JPH3: variants seen among roughly 807,000 people sequenced by gnomAD.
JPH3 encodes the protein junctophilin 3, also known as junctophilin-3.
JPH3 carries 11 observed loss-of-function variants against 59.6 expected under a neutral mutation model. That is an observed-to-expected ratio of 0.18 (90% CI 0.12 to 0.31). The LOEUF is 0.31. JPH3 is among the 10% of genes least tolerant of loss of function. JPH3 has a pLI of 1.00. For synonymous variants in JPH3, 673 were observed against 483.6 expected, an observed-to-expected ratio of 1.39 and a Z score of -5.14; for missense variants, 1,202 against 1,105.7, an observed-to-expected ratio of 1.09 and a Z score of -1.24.
chr16:87,640,902 C>A (rs2150842531), intron 1 of JPH3, among the ~76,000 whole-genome samples: 1 of 152,314 alleles, frequency 6.6e-6, no homozygotes, highest in Middle Eastern at 3.4e-3. Context: ...CTTGGACTGG[C>A]CATGGGAAGG....
At chr16:87,606,078 G>A (rs1323156198) in intron 1 of JPH3, among the ~76,000 whole-genome samples, 1 of 152,200 alleles carries the variant, frequency 6.6e-6, no homozygotes, top group Non-Finnish European at 1.5e-5. Context: ...GTGTCCCCAG[G>A]CAGCCCATGG....
intron 2 of JPH3, among the ~76,000 whole-genome samples, chr16:87,657,613 C>A (rs527695033): frequency 6.6e-6 from 1 of 152,318 alleles, no homozygotes; most frequent in South Asian, 2.1e-4. Flanking sequence ...ACTCATTTCT[C>A]TCAAGTACCA....
intron 1 of JPH3, among the ~76,000 whole-genome samples, chr16:87,617,730 T>C (rs1389098971): frequency 1.3e-5 from 2 of 151,832 alleles, no homozygotes; most frequent in Non-Finnish European, 2.9e-5. Flanking sequence ...CAGGTGCAGG[T>C]GCAGGAGCTG....
At position 87,644,451 on chromosome 16, in the gene JPH3, C is replaced by T. The variant is rs756322871; in HGVS notation, c.576C>T (p.Ser192=). 23 of 1,612,466 alleles carry T rather than the reference C, an allele frequency of 1.4e-5. No homozygotes were observed. Among genetic ancestry groups the T allele is most frequent in the African/African-American group, 2.7e-5 (2 of 74,934 alleles). Residue 192 remains serine, a synonymous_variant, in exon 2 of 5, where the codon TCC becomes TCT. Transcript: ENST00000284262. ...SPAVAGSPAV[S]RGGFVLVAHS... is the part of the protein sequence containing the mutation. ...CGGTGGCCGGCAGCCCGGCCGTGTC[C>T]CGCGGGGGCTTCGTGCTCGTGGCCC...
chr16:87,619,679 A>G (rs2150827926), intron 1 of JPH3, among the ~76,000 whole-genome samples: 1 of 152,236 alleles, frequency 6.6e-6, no homozygotes, highest in Non-Finnish European at 1.5e-5. Flanking sequence ...GGAGCCACGG[A>G]GTCTGGGGGG....
Position 87,631,845 on chromosome 16 carries a change from C to CT in JPH3, c.383-12409dup, listed in dbSNP as rs375434338. ...CAAAATATTTCTTTTAGCTATTATACTTTTAATTTCCAGAAGCTCTTTATC... is the reference window on the plus strand; with the variant it reads ...CAAAATATTTCTTTTAGCTATTATACTTTTTAATTTCCAGAAGCTCTTTATC... On this transcript the variant is annotated intron_variant, in intron 1 of 4. Transcript: ENST00000284262. Among the ~76,000 whole-genome samples, 239 of 152,202 alleles carry CT rather than the reference C, an allele frequency of 1.6e-3. 1 individual carries two copies. The highest frequency in any genetic ancestry group is 5.4e-3 in the African/African-American group (223 of 41,526).
At chr16:87,683,521 G>A (rs763541999) in intron 2 of JPH3, among the ~76,000 whole-genome samples, 7 of 151,962 alleles carry the variant, frequency 4.6e-5, no homozygotes, top group African/African-American at 1.2e-4. Context: ...GTGCAGGCTG[G>A]TCTTGAACTC....
At chr16:87,621,578 C>A (rs2150829257) in intron 1 of JPH3, among the ~76,000 whole-genome samples, 1 of 152,350 alleles carries the variant, frequency 6.6e-6, no homozygotes, top group Non-Finnish European at 1.5e-5. Context: ...CCTACAGCCG[C>A]CAGCCAGGAG....
rs2030280519 is a variant in JPH3, at chr16:87,602,674, G to A, written c.-473G>A. On this transcript the variant is annotated 5_prime_UTR_variant, in exon 1 of 5. Coordinates refer to ENST00000284262, the MANE Select transcript of JPH3 (RefSeq NM_020655.4). ...GCCGCCCGTGCCGCCGCCGCCGCCC[G>A]CGGGCCCCGCCGCCGCCCTCGGGCG... is the stretch of plus-strand genomic sequence containing the variant. 7.8e-6 allele frequency among the ~76,000 whole-genome samples: 1 copy of A among 128,628 alleles called. No homozygotes were observed. Among genetic ancestry groups the A allele is most frequent in the African/African-American group, 2.8e-5 (1 of 35,140 alleles). 84.4% of individuals were successfully genotyped at this position (128,628 alleles called of 152,430 possible). A position where few individuals can be genotyped will look rare whatever the true frequency, so the allele number is the denominator to read the frequency against.
intron 1 of JPH3, among the ~76,000 whole-genome samples, chr16:87,613,566 C>A (rs1027097216): frequency 6.6e-6 from 1 of 152,158 alleles, no homozygotes; most frequent in African/African-American, 2.4e-5. Flanking sequence ...AGTGATCCGC[C>A]CACCTCAGCC....
intron 1 of JPH3, chr16:87,604,909 C>A: frequency 2.3e-6 from 1 of 438,230 alleles, no homozygotes; most frequent in Admixed American, 2.5e-5. Context: ...GGTTGGAGAG[C>A]TTCCCTGACC....
chr16:87,685,540 C>T (rs1043066198), intron 3 of JPH3, among the ~76,000 whole-genome samples: 4 of 152,250 alleles, frequency 2.6e-5, no homozygotes, highest in Non-Finnish European at 2.9e-5. Flanking sequence ...TGGGGGCACA[C>T]GTGTAGCGTG....
chr16:87,650,668 G>A (rs567531204), intron 2 of JPH3, among the ~76,000 whole-genome samples: 3 of 152,242 alleles, frequency 2.0e-5, no homozygotes. Context: ...CAATGTTATT[G>A]CTGATATGGA....
intron 2 of JPH3, among the ~76,000 whole-genome samples, chr16:87,663,877 C>A (rs1224376919): frequency 6.7e-6 from 1 of 149,494 alleles, no homozygotes; most frequent in Admixed American, 6.6e-5. Flanking sequence ...TTTCCCTAAC[C>A]CCATTCCCCA....
intron 1 of JPH3, among the ~76,000 whole-genome samples, chr16:87,643,138 G>A (rs557349356): frequency 2.0e-5 from 3 of 152,176 alleles, no homozygotes; most frequent in South Asian, 4.1e-4. Flanking sequence ...GGAATCATCC[G>A]ATATGTGGCC....
chr16:87,637,606 C>G (rs181696933), intron 1 of JPH3, among the ~76,000 whole-genome samples: 1 of 152,098 alleles, frequency 6.6e-6, no homozygotes, highest in Admixed American at 6.5e-5. Context: ...TGGGTGAGAC[C>G]CTAGTGACTC....
Position 87,684,286 on chromosome 16 carries a change from A to G in JPH3, c.1285+20A>G. ...AAAACGGTGAGTCTCGCCGGGCCTG[A>G]TACTGGCATCGTGGGGAGGGGGTGC... On this transcript the variant is annotated intron_variant, in intron 3 of 4. Transcript: ENST00000284262. 1 of 1,613,062 alleles carries G rather than the reference A, an allele frequency of 6.2e-7. No homozygotes were observed. Among genetic ancestry groups the G allele is most frequent in the Non-Finnish European group, 8.5e-7 (1 of 1,179,528 alleles).
At chr16:87,629,309 G>T (rs1226225755) in intron 1 of JPH3, among the ~76,000 whole-genome samples, 1 of 152,086 alleles carries the variant, frequency 6.6e-6, no homozygotes, top group Non-Finnish European at 1.5e-5. Flanking sequence ...AAAACAAAAG[G>T]CAGCTGATGC....
chr16:87,627,893 C>T (rs1404034718), intron 1 of JPH3, among the ~76,000 whole-genome samples: 1 of 152,230 alleles, frequency 6.6e-6, no homozygotes, highest in African/African-American at 2.4e-5. Context: ...GCCACCCCGC[C>T]CCTCGCAGGG....
Sources: allele counts gnomAD v4.1 joint callset (sites outside exome capture counted in the v4.1 genomes callset), GRCh38; gene constraint gnomAD v4.1.1; transcripts MANE v1.5; gene names NCBI Gene and HGNC (gene_info 2026-07-23, HGNC 2026-07-21).